The following WDR72 variants were observed in gnomAD, a reference collection of about 807,000 sequenced individuals.
WDR72 encodes WD repeat-containing protein 72.
Under a neutral mutation model 124.2 loss-of-function variants are expected in WDR72, and 120 were observed. The observed-to-expected ratio is 0.97, with a 90% CI of 0.83 to 1.12. The LOEUF (loss-of-function observed/expected upper bound fraction) is 1.12. Among genes scored for constraint, WDR72 ranks in the 50% most tolerant of loss-of-function variants. WDR72 has a pLI of 0.00. For missense variants in WDR72, 1,387 were observed against 1,278.8 expected, an observed-to-expected ratio of 1.08 and a Z score of -1.29; for synonymous variants, 452 against 441.7, an observed-to-expected ratio of 1.02 and a Z score of -0.29.
intron 18 of WDR72, chr15:53,540,999 C>T (rs576452211): frequency 4.6e-4 from 74 of 159,458 alleles, no homozygotes; most frequent in Admixed American, 1.2e-3. Context: ...CCTACGCCCA[C>T]GGAGTCTCGC....
At chr15:53,651,705 T>C (rs879269356) in intron 14 of WDR72, among the ~76,000 whole-genome samples, 3 of 152,192 alleles carry the variant, frequency 2.0e-5, no homozygotes, top group Admixed American at 6.5e-5. Context: ...CAGGCTGGAG[T>C]GCAGTGGCGA....
intron 7 of WDR72, among the ~76,000 whole-genome samples, chr15:53,711,762 C>T (rs528206640): frequency 6.6e-6 from 1 of 152,196 alleles, no homozygotes; most frequent in Non-Finnish European, 1.5e-5. Context: ...TTTATTCTTT[C>T]CATAATGAGT....
intron 13 of WDR72, among the ~76,000 whole-genome samples, chr15:53,669,996 T>G (rs2015931314): frequency 6.6e-6 from 1 of 152,208 alleles, no homozygotes; most frequent in South Asian, 2.1e-4. Context: ...TGAATCAATC[T>G]GAACATGACA....
Position 53,613,764 on chromosome 15 carries a change from G to C in WDR72, c.2781-7C>G. 1 of 1,569,796 alleles carries C rather than the reference G, an allele frequency of 6.4e-7. No homozygotes were observed. The highest frequency in any genetic ancestry group is 8.8e-7 in the Non-Finnish European group (1 of 1,141,534). On this transcript the variant is annotated splice_region_variant and splice_polypyrimidine_tract_variant and intron_variant, in intron 15 of 19. Coordinates refer to ENST00000360509, the MANE Select transcript of WDR72 (RefSeq NM_182758.4). The stretch of plus-strand genomic sequence containing the variant: ...ACTTTCCATTCTGAAAGAACTGTTA[G>C]AAAAAAGATTGACAGCATATTACTA...
chr15:53,711,173 A>T lies in WDR72; in HGVS notation c.857+163T>A, dbSNP rs551975153. The T allele has an allele frequency of 9.6e-6, 10 of 1,044,956 alleles. No homozygotes were observed. The East Asian group carries it at 2.5e-4, about 26-fold the overall frequency. The allele number at this position is 1,044,956 out of a possible 1,614,324, so 64.7% of individuals were successfully genotyped here. A position where few individuals can be genotyped will look rare whatever the true frequency, so the allele number is the denominator to read the frequency against. ...ATTCCTCCATCCCCTGCTGTTTTGT[A>T]CAAAGGCTGAAGCCTACCAAGCCCA... On this transcript the variant is annotated intron_variant, in intron 8 of 19. Transcript: ENST00000360509.
chr15:53,517,574 T>C lies in WDR72; in HGVS notation c.*125A>G. On this transcript the variant is annotated 3_prime_UTR_variant, in exon 20 of 20. Transcript: ENST00000360509. ...CTTTAATACATGTTGGCTAAAGTAT[T>C]AGCAAATCCACTACAGCCTAATAAC... 4 of 970,594 alleles carry C rather than the reference T, an allele frequency of 4.1e-6. No individual in the cohort carries two copies. The East Asian group carries it at 7.4e-5, about 18-fold the overall frequency. The allele number at this position is 970,594 out of a possible 1,614,324, so 60.1% of individuals were successfully genotyped here. A position where few individuals can be genotyped will look rare whatever the true frequency, so the allele number is the denominator to read the frequency against.
intron 13 of WDR72, among the ~76,000 whole-genome samples, chr15:53,687,337 A>G (rs1217604098): frequency 6.6e-6 from 1 of 150,760 alleles, no homozygotes; most frequent in Non-Finnish European, 1.5e-5. Flanking sequence ...AGAAAAAAAG[A>G]GAGAAGAATC....
chr15:53,608,519 C>T (rs1336665780), intron 17 of WDR72, among the ~76,000 whole-genome samples: 1 of 152,114 alleles, frequency 6.6e-6, no homozygotes, highest in East Asian at 1.9e-4. Context: ...CTTTGGAAGG[C>T]TGAGGTGGGA....
rs2017651715 is a variant in WDR72, at chr15:53,714,599, A to G, written c.515-89T>C. 1.4e-5 allele frequency: 14 copies of G among 993,276 alleles called. No individual in the cohort carries two copies. In the South Asian group the frequency reaches 1.9e-4, roughly 14 times the overall value. 61.5% of individuals were successfully genotyped at this position (993,276 alleles called of 1,614,324 possible). ...TTTCACAGTCATTTAAGAATTACGC[A>G]GGGCTGTGTAGATAGAAAATTTTCA... is the stretch of plus-strand genomic sequence containing the variant. On this transcript the variant is annotated intron_variant, in intron 5 of 19. Coordinates refer to ENST00000360509, the MANE Select transcript of WDR72 (RefSeq NM_182758.4).
In WDR72 at chr15:53,702,343, G is replaced by A. The variant is rs1410202299; in HGVS notation, c.1360C>T (p.His454Tyr). The change falls in exon 12 of 20, where the codon CAT (histidine) becomes TAT (tyrosine). Residue 454 changes from histidine to tyrosine, a missense_variant. Transcript: ENST00000360509. ...TGGTGGTGGCCTTTAAGAACTTTAT[G>A]AGGGGGAGAATCTGAAAAACAATGA... The part of the protein sequence containing the change: ...GGSLVKDSPP[H>Y]KVLKGHHQSV... The A allele has an allele frequency of 2.5e-6, 4 of 1,612,802 alleles. No individual in the cohort carries two copies. Among genetic ancestry groups the A allele is most frequent in the Non-Finnish European group, 1.7e-6 (2 of 1,178,850 alleles).
Position 53,565,417 on chromosome 15 carries a change from A to G in WDR72, c.3148+31662T>C, listed in dbSNP as rs548072173. Among the ~76,000 whole-genome samples, 617 of 152,020 alleles carry G rather than the reference A, an allele frequency of 4.1e-3. 7 individuals carry two copies. The highest frequency in any genetic ancestry group is 0.014 in the African/African-American group (588 of 41,530). On this transcript the variant is annotated intron_variant, in intron 18 of 19. Coordinates refer to ENST00000360509, the MANE Select transcript of WDR72 (RefSeq NM_182758.4). ...GCCACCCATTTCTTTTTTGGAAGGC[A>G]AACACCATTAACAGCTTCTTGCGTG...
rs200822732 is a variant in WDR72, at chr15:53,714,481, C to T, written c.544G>A (p.Gly182Ser). Residue 182 changes from glycine to serine, a missense_variant, in exon 6 of 20, where the codon GGT becomes AGT. Physicochemically the swap from Gly to Ser is moderately conservative, Grantham distance 56 (BLOSUM62 0). Transcript: ENST00000360509. ...EDSLLVVSVA[G>S]ELKVWDLSSS... ...GAAAGATCCCATACTTTGAGCTCACCAGCTACTGATACCACCAAGAGAGAA... is the reference window on the plus strand; with the variant it reads ...GAAAGATCCCATACTTTGAGCTCACTAGCTACTGATACCACCAAGAGAGAA... The T allele has an allele frequency of 1.9e-6, 3 of 1,613,524 alleles. No individual in the cohort carries two copies. The highest frequency in any genetic ancestry group is 2.7e-5 in the African/African-American group (2 of 74,780).
chr15:53,699,914 C>T lies in WDR72; in HGVS notation c.1601G>A (p.Cys534Tyr). The T allele has an allele frequency of 6.2e-7, 1 of 1,614,162 alleles. No individual in the cohort carries two copies. Among genetic ancestry groups the T allele is most frequent in the Non-Finnish European group, 8.5e-7 (1 of 1,180,044 alleles). ...LRGEQIICCV[C>Y]GDHSVALLHL... ...AAGGAGAGCCACGGAATGGTCACCG[C>T]ACACACAGCAAATTATCTGCTCACC... The change falls in exon 13 of 20, where the codon TGC becomes TAC. Residue 534 changes from cysteine to tyrosine, a missense_variant. Transcript: ENST00000360509.
chr15:53,684,781 G>A (rs958813674), intron 13 of WDR72, among the ~76,000 whole-genome samples: 2 of 151,378 alleles, frequency 1.3e-5, no homozygotes, highest in African/African-American at 2.4e-5. Flanking sequence ...AAAAAAGACA[G>A]CAGTAACCTC....
intron 14 of WDR72, among the ~76,000 whole-genome samples, chr15:53,617,962 TGTG>T (rs2013835775): frequency 1.3e-5 from 2 of 152,002 alleles, no homozygotes; most frequent in Admixed American, 1.3e-4. Flanking sequence ...TCTGGATCTA[TGTG>T]GTGATTATGA....
chr15:53,739,393 T>C (rs1290120558), intron 1 of WDR72, among the ~76,000 whole-genome samples: 2 of 152,144 alleles, frequency 1.3e-5, no homozygotes, highest in Non-Finnish European at 2.9e-5. Flanking sequence ...CCCGGACAAT[T>C]ACTGCCTCTG....
chr15:53,611,947 C>T (rs958774547), intron 16 of WDR72, among the ~76,000 whole-genome samples: 20 of 152,090 alleles, frequency 1.3e-4, no homozygotes, highest in African/African-American at 4.8e-4. Context: ...ATTCAGGTCA[C>T]CCCATCCTAT....
intron 1 of WDR72, among the ~76,000 whole-genome samples, chr15:53,755,182 A>G (rs1315287091): frequency 6.6e-6 from 1 of 152,188 alleles, no homozygotes; most frequent in Non-Finnish European, 1.5e-5. Flanking sequence ...CTGTGATCTC[A>G]CTGGAAAAAA....
chr15:53,668,935 G>T (rs771196395), intron 13 of WDR72, among the ~76,000 whole-genome samples: 13 of 43,254 alleles, frequency 3.0e-4, no homozygotes, highest in Non-Finnish European at 7.9e-4. Flanking sequence ...GAAGGAGGAG[G>T]AGGAGGAGGA....
Sources: allele counts gnomAD v4.1 joint callset (sites outside exome capture counted in the v4.1 genomes callset), GRCh38; gene constraint gnomAD v4.1.1; transcripts MANE v1.5; gene names NCBI Gene and HGNC (gene_info 2026-07-23, HGNC 2026-07-21).